The following DNER variants were observed in gnomAD, a reference collection of about 807,000 sequenced individuals.
DNER encodes the protein delta and Notch-like epidermal growth factor-related receptor.
DNER carries 33 observed loss-of-function variants against 78.2 expected under a neutral mutation model. The observed-to-expected ratio is 0.42, with a 90% CI of 0.32 to 0.56. The LOEUF (loss-of-function observed/expected upper bound fraction) is 0.56. Among genes scored for constraint, DNER ranks in the 20% least tolerant of loss-of-function variants. The pLI, the probability that DNER is intolerant of heterozygous loss-of-function variation, is 0.11. For missense variants in DNER, 918 were observed against 975.3 expected (o/e 0.94, Z 0.78); for synonymous variants, 417 against 384.8 (o/e 1.08, Z -0.98).
At chr2:229,602,747 T>TA (rs545163017) in intron 1 of DNER, among the ~76,000 whole-genome samples, 165 of 152,256 alleles carry the variant, frequency 1.1e-3, no homozygotes, top group African/African-American at 3.7e-3. Flanking sequence ...AATCAAATGT[T>TA]AAAAATGCAT....
intron 7 of DNER, among the ~76,000 whole-genome samples, chr2:229,463,920 C>T (rs1281914795): frequency 3.3e-5 from 5 of 152,144 alleles, no homozygotes; most frequent in Non-Finnish European, 7.4e-5. Flanking sequence ...GGAATGATTC[C>T]AGCCTGGCAG....
At chr2:229,554,364 C>T (rs543164219) in intron 4 of DNER, among the ~76,000 whole-genome samples, 62 of 152,258 alleles carry the variant, frequency 4.1e-4, no homozygotes, top group African/African-American at 1.4e-3. Context: ...TCAAGACCAG[C>T]CTGGACAACA....
chr2:229,520,130 T>G, intron 5 of DNER, among the ~76,000 whole-genome samples: 1 of 152,196 alleles, frequency 6.6e-6, no homozygotes, highest in South Asian at 2.1e-4. Context: ...GATGCTTAGG[T>G]GTTCACTGAA....
intron 1 of DNER, among the ~76,000 whole-genome samples, chr2:229,695,139 C>T (rs564141560): frequency 5.3e-5 from 8 of 152,292 alleles, no homozygotes; most frequent in Admixed American, 2.6e-4. Flanking sequence ...TCCCCTTTCA[C>T]CATGATTGTA....
intron 7 of DNER, among the ~76,000 whole-genome samples, chr2:229,448,417 G>A (rs1694385878): frequency 6.6e-6 from 1 of 152,120 alleles, no homozygotes; most frequent in African/African-American, 2.4e-5. Context: ...GGGGTGGATG[G>A]AAATGTTTTA....
intron 10 of DNER, among the ~76,000 whole-genome samples, chr2:229,391,222 T>C (rs976484092): frequency 5.9e-5 from 9 of 152,386 alleles, no homozygotes; most frequent in African/African-American, 1.7e-4. Flanking sequence ...GCATTATGTT[T>C]GTATATGCAT....
At chr2:229,419,493 C>T (rs548401508) in intron 8 of DNER, among the ~76,000 whole-genome samples, 3 of 152,242 alleles carry the variant, frequency 2.0e-5, no homozygotes, top group Non-Finnish European at 4.4e-5. Flanking sequence ...TCACAACCAA[C>T]TCTCAAACTC....
chr2:229,513,684 A>G (rs1384066517), intron 5 of DNER, among the ~76,000 whole-genome samples: 1 of 152,198 alleles, frequency 6.6e-6, no homozygotes, highest in Non-Finnish European at 1.5e-5. Flanking sequence ...CCCAAAGCCT[A>G]CACAAAGCAA....
intron 10 of DNER, among the ~76,000 whole-genome samples, chr2:229,399,933 G>T (rs1693231941): frequency 6.6e-6 from 1 of 151,988 alleles, no homozygotes; most frequent in African/African-American, 2.4e-5. Flanking sequence ...TCACAAAGGG[G>T]TCTGGGGGGG....
At chr2:229,414,874 G>C (rs1412050347) in intron 9 of DNER, among the ~76,000 whole-genome samples, 1 of 152,126 alleles carries the variant, frequency 6.6e-6, no homozygotes, top group Non-Finnish European at 1.5e-5. Context: ...ACCTTTAAGA[G>C]GGTCCAGGCT....
At chr2:229,562,688 G>A (rs1696982039) in intron 4 of DNER, among the ~76,000 whole-genome samples, 1 of 152,120 alleles carries the variant, frequency 6.6e-6, no homozygotes, top group East Asian at 1.9e-4. Flanking sequence ...GTTCTCACCA[G>A]CTCTGTGACT....
chr2:229,626,658 T>C (rs1559187284), intron 1 of DNER, among the ~76,000 whole-genome samples: 1 of 152,194 alleles, frequency 6.6e-6, no homozygotes, highest in Non-Finnish European at 1.5e-5. Flanking sequence ...CCATATAAAG[T>C]AAATTAATAA....
chr2:229,405,038 TTAAAA>T (rs1458404232), intron 10 of DNER, among the ~76,000 whole-genome samples: 1 of 152,146 alleles, frequency 6.6e-6, no homozygotes, highest in Non-Finnish European at 1.5e-5. Flanking sequence ...TGTTATATAC[TTAAAA>T]TAAAGGGCTA....
At chr2:229,610,345 G>C (rs1000211066) in intron 1 of DNER, among the ~76,000 whole-genome samples, 1 of 152,172 alleles carries the variant, frequency 6.6e-6, no homozygotes, top group African/African-American at 2.4e-5. Context: ...CGGTTTCCTG[G>C]AAAGTAGTAA....
intron 5 of DNER, among the ~76,000 whole-genome samples, chr2:229,536,053 C>T (rs1264046855): frequency 1.3e-5 from 2 of 152,296 alleles, no homozygotes; most frequent in East Asian, 1.9e-4. Flanking sequence ...GATGAGTCTC[C>T]TTATAATTTA....
chr2:229,627,939 T>G (rs1011603400), intron 1 of DNER, among the ~76,000 whole-genome samples: 4 of 152,176 alleles, frequency 2.6e-5, no homozygotes, highest in Non-Finnish European at 5.9e-5. Flanking sequence ...CACATCCTCT[T>G]CTGCTGAGTG....
chr2:229,568,788 C>T (rs1697158857), intron 4 of DNER, among the ~76,000 whole-genome samples: 1 of 152,116 alleles, frequency 6.6e-6, no homozygotes, highest in Admixed American at 6.6e-5. Flanking sequence ...CCTTAAACTC[C>T]TACGCTCAGG....
Position 229,384,370 on chromosome 2 carries a change from C to T in DNER, c.1855+3895G>A, listed in dbSNP as rs187273472. On this transcript the variant is annotated intron_variant, in intron 11 of 12. Coordinates refer to ENST00000341772, the MANE Select transcript of DNER (RefSeq NM_139072.4). Reference sequence around the variant, plus strand: ...AAAGAACTAGAGAAGCAAGAGCAAACAAATTCAAAAGCTAGCAGAAGACAA... The same window carrying T: ...AAAGAACTAGAGAAGCAAGAGCAAATAAATTCAAAAGCTAGCAGAAGACAA... 3.4e-3 allele frequency among the ~76,000 whole-genome samples: 518 copies of T among 152,096 alleles called. 5 individuals carry two copies. Among genetic ancestry groups the T allele is most frequent in the Admixed American group, 3.9e-3 (59 of 15,252 alleles).
At chr2:229,637,676 T>C (rs1698551827) in intron 1 of DNER, among the ~76,000 whole-genome samples, 1 of 152,228 alleles carries the variant, frequency 6.6e-6, no homozygotes, top group Non-Finnish European at 1.5e-5. Flanking sequence ...AAATCAGCTG[T>C]ATGGGGCATA....
Sources: allele counts gnomAD v4.1 joint callset (sites outside exome capture counted in the v4.1 genomes callset), GRCh38; gene constraint gnomAD v4.1.1; transcripts MANE v1.5; gene names NCBI Gene and HGNC (gene_info 2026-07-23, HGNC 2026-07-21).